The following MACROD2 variants were observed in gnomAD, a reference collection of about 807,000 sequenced individuals.
The protein encoded by MACROD2 is ADP-ribose glycohydrolase MACROD2.
In MACROD2, 36 loss-of-function variants were observed where a neutral mutation model predicts 70.4. The ratio of observed to expected loss-of-function variants is 0.51; its 90% CI spans 0.39 to 0.68. The LOEUF (loss-of-function observed/expected upper bound fraction) is 0.68, where lower values mean the gene tolerates loss of function less well. MACROD2 is among the 30% of genes least tolerant of loss of function. The pLI is 0.00. For missense variants in MACROD2, 496 were observed against 538.4 expected, an observed-to-expected ratio of 0.92 and a Z score of 0.78; for synonymous variants, 172 against 178.8, an observed-to-expected ratio of 0.96 and a Z score of 0.30.
chr20:15,257,189 A>G (rs2077207134), intron 6 of MACROD2, among the ~76,000 whole-genome samples: 1 of 152,066 alleles, frequency 6.6e-6, no homozygotes, highest in Admixed American at 6.6e-5. Flanking sequence ...TACAATATAC[A>G]TACCTGTGAA....
At chr20:15,715,319 G>A (rs1309928313) in intron 8 of MACROD2, among the ~76,000 whole-genome samples, 1 of 152,068 alleles carries the variant, frequency 6.6e-6, no homozygotes, top group Non-Finnish European at 1.5e-5. Flanking sequence ...GTATTTCCAA[G>A]GTCAGCTCTA....
At chr20:15,734,317 G>A (rs1354645617) in intron 8 of MACROD2, among the ~76,000 whole-genome samples, 1 of 152,116 alleles carries the variant, frequency 6.6e-6, no homozygotes, top group African/African-American at 2.4e-5. Flanking sequence ...AGGTCTTGAC[G>A]TCATAAACCC....
Position 15,952,611 on chromosome 20 carries a change from C to T in MACROD2, c.908-14942C>T, listed in dbSNP as rs186321100. On this transcript the variant is annotated intron_variant, in intron 12 of 17. Coordinates refer to ENST00000684519, the MANE Select transcript of MACROD2 (RefSeq NM_001351661.2). ...CATCCAGCTCAAGCTTACCCTTTCG[C>T]ACGTACATCTCCCTCTTCTCCACAG... Among the ~76,000 whole-genome samples the T allele has an allele frequency of 4.1e-4, 63 of 152,220 alleles. 2 individuals carry two copies. The highest frequency in any genetic ancestry group is 1.7e-3 in the Admixed American group (26 of 15,270).
intron 7 of MACROD2, among the ~76,000 whole-genome samples, chr20:15,490,234 T>C (rs1465036332): frequency 1.5e-5 from 1 of 67,850 alleles, no homozygotes; most frequent in East Asian, 8.5e-4. Context: ...CCTTCCTTCC[T>C]CCCTTCCCTT....
intron 3 of MACROD2, among the ~76,000 whole-genome samples, chr20:14,407,741 CTTTA>C (rs967346033): frequency 6.6e-6 from 1 of 152,270 alleles, no homozygotes; most frequent in East Asian, 1.9e-4. Context: ...ACTTGCTTGC[CTTTA>C]TTTAGGCAAA....
At chr20:15,339,064 A>G (rs1049859120) in intron 6 of MACROD2, among the ~76,000 whole-genome samples, 13 of 151,750 alleles carry the variant, frequency 8.6e-5, no homozygotes, top group African/African-American at 3.2e-4. Context: ...AATATGCCAT[A>G]AGTAGAAATA....
chr20:14,199,415 A>G (rs938464648), intron 3 of MACROD2, among the ~76,000 whole-genome samples: 1 of 152,236 alleles, frequency 6.6e-6, no homozygotes, highest in Non-Finnish European at 1.5e-5. Flanking sequence ...ATAGTTAACA[A>G]TCAGTAGCTC....
rs538970101 is a variant in MACROD2 at position 15,868,827 on chromosome 20, C to T, written c.727+6001C>T. Among the ~76,000 whole-genome samples, 141 of 152,092 alleles carry T rather than the reference C, an allele frequency of 9.3e-4. 1 individual carries two copies. Among genetic ancestry groups the T allele is most frequent in the African/African-American group, 3.2e-3 (132 of 41,502 alleles). On this transcript the variant is annotated intron_variant, in intron 9 of 17. Coordinates refer to ENST00000684519, the MANE Select transcript of MACROD2 (RefSeq NM_001351661.2). ...TCGTACTCTGTCATCTAGACTGGAG[C>T]GCAGTAACGCAATCATACTGATCAT...
chr20:14,755,730 A>T (rs1391509388), intron 5 of MACROD2, among the ~76,000 whole-genome samples: 2 of 151,852 alleles, frequency 1.3e-5, no homozygotes, highest in Admixed American at 1.3e-4. Flanking sequence ...GTACTTTTCT[A>T]TGTCTATTTT....
At chr20:15,377,497 T>C (rs1239556049) in intron 6 of MACROD2, among the ~76,000 whole-genome samples, 1 of 152,236 alleles carries the variant, frequency 6.6e-6, no homozygotes, top group Admixed American at 6.5e-5. Context: ...CCTTTTATTA[T>C]GGAGGAATTA....
In MACROD2 at chr20:14,486,513, C is replaced by CTTTTTTTTTTTTTTTTTTTTTT. The variant is rs71335969; in HGVS notation, c.272-6961_272-6960insTTTTTTTTTTTTTTTTTTTTTT. Among the ~76,000 whole-genome samples the CTTTTTTTTTTTTTTTTTTTTTT allele has an allele frequency of 2.1e-5, 2 of 97,064 alleles. 1 individual carries two copies. Among genetic ancestry groups the CTTTTTTTTTTTTTTTTTTTTTT allele is most frequent in the Non-Finnish European group, 3.8e-5 (2 of 52,610 alleles). 63.7% of individuals were successfully genotyped at this position (97,064 alleles called of 152,430 possible). On this transcript the variant is annotated intron_variant, in intron 3 of 17. Coordinates refer to ENST00000684519, the MANE Select transcript of MACROD2 (RefSeq NM_001351661.2). ...GAGCTATCTGGCATAAAATAGCCAACTTTTTATTTTATTTTTTTTTTTTGA... is the reference window on the plus strand; with the variant it reads ...GAGCTATCTGGCATAAAATAGCCAACTTTTTTTTTTTTTTTTTTTTTTTTTTTATTTTATTTTTTTTTTTTGA...
At chr20:14,737,035 A>G (rs1031774015) in intron 5 of MACROD2, among the ~76,000 whole-genome samples, 7 of 152,052 alleles carry the variant, frequency 4.6e-5, no homozygotes, top group African/African-American at 1.7e-4. Context: ...TACACATGCC[A>G]TGGTGGTTTG....
At chr20:14,675,379 A>G (rs1039137364) in intron 4 of MACROD2, among the ~76,000 whole-genome samples, 1 of 152,192 alleles carries the variant, frequency 6.6e-6, no homozygotes, top group Non-Finnish European at 1.5e-5. Flanking sequence ...TACAAGCCAG[A>G]AGAGAGTGGG....
intron 6 of MACROD2, among the ~76,000 whole-genome samples, chr20:15,370,131 C>T (rs150163279): frequency 3.8e-4 from 58 of 152,134 alleles, no homozygotes; most frequent in African/African-American, 1.3e-3. Flanking sequence ...TAAGAAAGAT[C>T]GGAAACCAAG....
intron 3 of MACROD2, among the ~76,000 whole-genome samples, chr20:14,275,102 A>C (rs2082238577): frequency 6.6e-6 from 1 of 152,154 alleles, no homozygotes; most frequent in African/African-American, 2.4e-5. Context: ...GCTACCAATG[A>C]CTTTCTTTAC....
At chr20:14,093,252 C>CT (rs546011508) in intron 3 of MACROD2, among the ~76,000 whole-genome samples, 2,163 of 145,314 alleles carry the variant, frequency 0.015, 20 homozygotes, top group Middle Eastern at 0.05. Context: ...GCTAATTAAA[C>CT]TTTTTTTTTT....
intron 13 of MACROD2, among the ~76,000 whole-genome samples, chr20:15,970,513 G>T (rs1353549096): frequency 3.3e-5 from 5 of 152,118 alleles, no homozygotes; most frequent in Non-Finnish European, 7.4e-5. Context: ...TGAGAGTCAG[G>T]AAATGAGGTG....
intron 5 of MACROD2, among the ~76,000 whole-genome samples, chr20:15,214,530 C>A (rs189523364): frequency 0.01 from 1,572 of 152,090 alleles, 11 homozygotes; most frequent in South Asian, 0.017. Context: ...TCTAAAAAAA[C>A]AAAACAAAAT....
chr20:15,432,635 G>T (rs2046377165), intron 7 of MACROD2, among the ~76,000 whole-genome samples: 2 of 152,064 alleles, frequency 1.3e-5, no homozygotes, highest in Admixed American at 6.6e-5. Context: ...TTCGCCTTAT[G>T]TAGAGTCAAA....
Sources: gnomAD v4.1 joint callset for allele counts (sites outside exome capture counted in the v4.1 genomes callset) on GRCh38, gnomAD v4.1.1 for gene constraint, MANE v1.5 for transcripts, NCBI Gene and HGNC (gene_info 2026-07-23, HGNC 2026-07-21) for gene names.